Variants in BBS9 observed in about 807,000 individuals in gnomAD.
The protein encoded by BBS9 is protein PTHB1.
A neutral mutation model predicts 117.7 loss-of-function variants in BBS9; 89 were observed. The ratio of observed to expected loss-of-function variants is 0.76; its 90% CI spans 0.64 to 0.90. The LOEUF is 0.90. Ranked by LOEUF, BBS9 falls within the 40% of genes least tolerant of loss-of-function variation. BBS9 has a pLI of 0.00. For synonymous variants in BBS9, 379 were observed against 370.9 expected, an observed-to-expected ratio of 1.02 and a Z score of -0.25; for missense variants, 982 against 1,042.2, an observed-to-expected ratio of 0.94 and a Z score of 0.80.
intron 19 of BBS9, among the ~76,000 whole-genome samples, chr7:33,449,879 C>A (rs1251693762): frequency 6.6e-6 from 1 of 152,116 alleles, no homozygotes. Context: ...AAAAAAGACA[C>A]ACACGACATA....
chr7:33,634,807 C>T (rs1202489434), intron 21 of BBS9, among the ~76,000 whole-genome samples: 1 of 152,202 alleles, frequency 6.6e-6, no homozygotes, highest in Admixed American at 6.5e-5. Flanking sequence ...TGAAAGCCAT[C>T]AGGCTGAAGG....
intron 21 of BBS9, among the ~76,000 whole-genome samples, chr7:33,616,604 A>G (rs1401274093): frequency 1.3e-5 from 2 of 151,134 alleles, no homozygotes; most frequent in Admixed American, 1.3e-4. Flanking sequence ...AGGAAAAAAA[A>G]TGGGGGGTGG....
intron 5 of BBS9, among the ~76,000 whole-genome samples, chr7:33,223,129 A>G (rs922148904): frequency 6.6e-6 from 1 of 151,850 alleles, no homozygotes; most frequent in Non-Finnish European, 1.5e-5. Context: ...CATTTATTTT[A>G]TATTTTTTAT....
chr7:33,202,138 G>T (rs143169454), intron 5 of BBS9, among the ~76,000 whole-genome samples: 1 of 152,100 alleles, frequency 6.6e-6, no homozygotes, highest in Non-Finnish European at 1.5e-5. Context: ...AAGGAGAGTG[G>T]CAATGTTCGA....
intron 2 of BBS9, among the ~76,000 whole-genome samples, chr7:33,150,231 C>T (rs952312217): frequency 2.0e-5 from 3 of 151,986 alleles, no homozygotes; most frequent in Non-Finnish European, 2.9e-5. Context: ...TACCAAAGAC[C>T]CTGAGTTTTA....
At chr7:33,236,627 ATTG>A (rs1793570497) in intron 5 of BBS9, among the ~76,000 whole-genome samples, 1 of 151,950 alleles carries the variant, frequency 6.6e-6, no homozygotes, top group Non-Finnish European at 1.5e-5. Context: ...TGCTAGTAGG[ATTG>A]TTATTGTTTT....
intron 19 of BBS9, among the ~76,000 whole-genome samples, chr7:33,453,178 A>G (rs1838142445): frequency 6.6e-6 from 1 of 152,192 alleles, no homozygotes. Context: ...TCATTAAGAC[A>G]CATTCTTTTT....
chr7:33,627,183 A>G (rs1404310733), intron 21 of BBS9, among the ~76,000 whole-genome samples: 4 of 152,222 alleles, frequency 2.6e-5, no homozygotes, highest in Admixed American at 1.3e-4. Flanking sequence ...TTCCAGCCCC[A>G]GCTGTGGCTA....
At chr7:33,358,024 G>A in intron 16 of BBS9, 29 bp downstream of exon 16, 4 of 1,604,686 alleles carry the variant, frequency 2.5e-6, no homozygotes, top group East Asian at 2.2e-5. Context: ...CATGCCTGCA[G>A]CATCAAAAAT....
intron 9 of BBS9, among the ~76,000 whole-genome samples, chr7:33,306,670 T>C (rs1048404368): frequency 1.3e-5 from 2 of 152,104 alleles, no homozygotes; most frequent in Non-Finnish European, 2.9e-5. Flanking sequence ...AAAATTTGTT[T>C]TGTAAGAGTA....
intron 20 of BBS9, among the ~76,000 whole-genome samples, chr7:33,506,813 G>T (rs1207711961): frequency 2.0e-5 from 3 of 152,122 alleles, no homozygotes; most frequent in Non-Finnish European, 1.5e-5. Context: ...AGTGGTGAAT[G>T]ATATATTATA....
chr7:33,546,154 T>C lies in BBS9; in HGVS notation c.2521+11978T>C, dbSNP rs143985729. Among the ~76,000 whole-genome samples the C allele has an allele frequency of 7.1e-3, 1,086 of 152,104 alleles. 10 individuals carry two copies. Among genetic ancestry groups the C allele is most frequent in the African/African-American group, 0.024 (995 of 41,530 alleles). On this transcript the variant is annotated intron_variant, in intron 21 of 22. Transcript: ENST00000242067. ...TTCACTATGTTAGCCAGGATGGTCT[T>C]GATCTTCTGACCTCGTGATCCGCCC...
chr7:33,251,680 G>A (rs1796248757), intron 5 of BBS9, among the ~76,000 whole-genome samples: 1 of 152,080 alleles, frequency 6.6e-6, no homozygotes, highest in Admixed American at 6.5e-5. Flanking sequence ...AATGTGTTTG[G>A]GTATTTTCCA....
At chr7:33,570,325 G>A (rs1857577720) in intron 21 of BBS9, among the ~76,000 whole-genome samples, 1 of 152,070 alleles carries the variant, frequency 6.6e-6, no homozygotes, top group Non-Finnish European at 1.5e-5. Flanking sequence ...GCTTCCAACA[G>A]CCAAAGCTGG....
chr7:33,249,502 A>AT (rs35873822), intron 5 of BBS9, among the ~76,000 whole-genome samples: 20,993 of 148,270 alleles, frequency 0.14, 1,746 homozygotes, highest in Non-Finnish European at 0.19. Context: ...ACAGGCATGA[A>AT]TTTTTTTTTT....
chr7:33,616,142 T>A (rs1865116933), intron 21 of BBS9, among the ~76,000 whole-genome samples: 1 of 151,718 alleles, frequency 6.6e-6, no homozygotes. Flanking sequence ...GAAAGTAAAA[T>A]AAAAATTTTT....
At chr7:33,376,506 G>A (rs1584552562) in intron 17 of BBS9, among the ~76,000 whole-genome samples, 1 of 152,264 alleles carries the variant, frequency 6.6e-6, no homozygotes, top group African/African-American at 2.4e-5. Flanking sequence ...ATGAGCATAT[G>A]AGTGCATGTA....
chr7:33,618,344 C>CA lies in BBS9; in HGVS notation c.2522-16820dup, dbSNP rs35288587. On this transcript the variant is annotated intron_variant, in intron 21 of 21. Coordinates refer to the BBS9 transcript ENST00000671952. ...TGGGTGAAAGAGCAGAACCTTGTCT[C>CA]AAAAAAAAAAAAAGTAAGACATTAA... Among the ~76,000 whole-genome samples the CA allele has an allele frequency of 6.0e-3, 776 of 128,574 alleles. 2 individuals are homozygous for CA. The highest frequency in any genetic ancestry group is 9.1e-3 in the South Asian group (36 of 3,962). 84.3% of individuals were successfully genotyped at this position (128,574 alleles called of 152,430 possible). A position where few individuals can be genotyped will look rare whatever the true frequency, so the allele number is the denominator to read the frequency against.
At chr7:33,308,865 A>T (rs189743486) in intron 9 of BBS9, among the ~76,000 whole-genome samples, 1 of 152,230 alleles carries the variant, frequency 6.6e-6, no homozygotes, top group Non-Finnish European at 1.5e-5. Flanking sequence ...GCCACCAACT[A>T]TACACATATG....
Sources: gnomAD v4.1 joint callset for allele counts (sites outside exome capture counted in the v4.1 genomes callset) on GRCh38, gnomAD v4.1.1 for gene constraint, MANE v1.5 for transcripts, NCBI Gene and HGNC (gene_info 2026-07-23, HGNC 2026-07-21) for gene names.